IFFO2: variants seen among roughly 807,000 people sequenced by gnomAD.
IFFO2 encodes intermediate filament family orphan 2.
IFFO2 carries 19 observed loss-of-function variants against 53.5 expected under a neutral mutation model. The observed-to-expected ratio is 0.36, with a 90% CI of 0.25 to 0.52. IFFO2 has a LOEUF of 0.52. Ranked by LOEUF, IFFO2 falls within the 20% of genes least tolerant of loss-of-function variation. The pLI is 0.94. For synonymous variants in IFFO2, 303 were observed against 313.6 expected, an observed-to-expected ratio of 0.97 and a Z score of 0.36; for missense variants, 570 against 727.4, an observed-to-expected ratio of 0.78 and a Z score of 2.49.
rs962659856 is a variant in IFFO2, at chr1:18,916,401, C to T, written c.1103+502G>A. Reference sequence around the variant, plus strand: ...AGCCCTGTCAACTGTGCCCCAGGCTCAGCAATGCCTGACCTCCTCGAGCTT... The same window carrying T: ...AGCCCTGTCAACTGTGCCCCAGGCTTAGCAATGCCTGACCTCCTCGAGCTT... On this transcript the variant is annotated intron_variant, in intron 5 of 8. Coordinates refer to ENST00000455833, the MANE Select transcript of IFFO2 (RefSeq NM_001136265.2). This position sits in a 1 kb window ranked among gnomAD's most constrained non-coding sequence, Gnocchi z 4.3. Among the ~76,000 whole-genome samples the T allele has an allele frequency of 2.6e-5, 4 of 152,194 alleles. No homozygotes were observed.
intron 1 of IFFO2, among the ~76,000 whole-genome samples, chr1:18,934,572 G>T (rs1313663577): frequency 1.3e-5 from 2 of 152,030 alleles, no homozygotes; most frequent in Admixed American, 1.3e-4. Context: ...TGTTTACAAT[G>T]ATTACACAAG....
intron 1 of IFFO2, among the ~76,000 whole-genome samples, chr1:18,925,885 ATGGATGGATTGGATGGATTGGT>A: frequency 3.0e-5 from 1 of 33,252 alleles, no homozygotes; most frequent in Non-Finnish European, 5.8e-5. Context: ...GGATGGATGG[ATGGATGGATTGGATGGATTGGT>A]TGGATGGATG....
intron 1 of IFFO2, among the ~76,000 whole-genome samples, chr1:18,934,292 G>A (rs1172122555): frequency 6.6e-6 from 1 of 151,704 alleles, no homozygotes; most frequent in Non-Finnish European, 1.5e-5. Context: ...AGCAGGTCTC[G>A]AACTCCCGGG....
At chr1:18,937,233 G>A (rs1321063108) in intron 1 of IFFO2, among the ~76,000 whole-genome samples, 2 of 152,220 alleles carry the variant, frequency 1.3e-5, no homozygotes, top group Non-Finnish European at 2.9e-5. Context: ...GTGCAACCAA[G>A]GATGGGTAAC....
At chr1:18,913,992 C>G (rs1170026988) in intron 5 of IFFO2, among the ~76,000 whole-genome samples, 2 of 152,092 alleles carry the variant, frequency 1.3e-5, no homozygotes, top group Non-Finnish European at 2.9e-5. Context: ...CCACCACGCC[C>G]GGCTAATTTT....
At chr1:18,955,039 G>C (rs986615765) in intron 1 of IFFO2, among the ~76,000 whole-genome samples, 13 of 152,230 alleles carry the variant, frequency 8.5e-5, no homozygotes, top group African/African-American at 2.7e-4. Flanking sequence ...CAGAGCTGGA[G>C]CAAGACGGCA....
rs531663346 is a variant in IFFO2 at position 18,939,655 on chromosome 1, A to C, written c.665+16013T>G. Among the ~76,000 whole-genome samples, 32 of 152,318 alleles carry C rather than the reference A, an allele frequency of 2.1e-4. No homozygotes were observed. In the South Asian group the frequency reaches 6.4e-3, roughly 31 times the overall value. On this transcript the variant is annotated intron_variant, in intron 1 of 8. Coordinates refer to ENST00000455833, the MANE Select transcript of IFFO2 (RefSeq NM_001136265.2). ...CTGAGTCAAGGCACAGTCTCTCAGG[A>C]AGTGGAGAAAAGGGAGATTGTAGGT...
intron 1 of IFFO2, among the ~76,000 whole-genome samples, chr1:18,935,924 C>G (rs1200978469): frequency 8.1e-6 from 1 of 123,056 alleles, no homozygotes; most frequent in East Asian, 2.4e-4. Flanking sequence ...CCAGATTGGT[C>G]TCAAACTCCT....
intron 1 of IFFO2, among the ~76,000 whole-genome samples, chr1:18,939,862 T>A (rs1055517802): frequency 1.3e-5 from 2 of 152,176 alleles, no homozygotes; most frequent in Non-Finnish European, 2.9e-5. Context: ...GGACGGCCCG[T>A]CTCAGAAAGG....
At chr1:18,920,808 C>T (rs1315010528) in intron 2 of IFFO2, among the ~76,000 whole-genome samples, 1 of 152,190 alleles carries the variant, frequency 6.6e-6, no homozygotes, top group Non-Finnish European at 1.5e-5. Flanking sequence ...ACTTGCACCC[C>T]GGGACCTGGA....
chr1:18,949,131 C>T (rs1323560184), intron 1 of IFFO2, among the ~76,000 whole-genome samples: 3 of 152,246 alleles, frequency 2.0e-5, no homozygotes, highest in Non-Finnish European at 4.4e-5. Flanking sequence ...AGCCGAATCC[C>T]TGGACGTGGT....
chr1:18,938,868 T>C (rs1936483568), intron 1 of IFFO2, among the ~76,000 whole-genome samples: 1 of 152,302 alleles, frequency 6.6e-6, no homozygotes, highest in African/African-American at 2.4e-5. Flanking sequence ...TGATTTTGCC[T>C]TGGGACAGAT....
At chr1:18,953,172 C>T (rs1035503150) in intron 1 of IFFO2, among the ~76,000 whole-genome samples, 6 of 152,222 alleles carry the variant, frequency 3.9e-5, no homozygotes, top group Non-Finnish European at 8.8e-5. Flanking sequence ...CAGGCAGACA[C>T]CTGGGTCTCA....
chr1:18,924,475 G>A (rs888563197), intron 1 of IFFO2, among the ~76,000 whole-genome samples: 1 of 152,244 alleles, frequency 6.6e-6, no homozygotes, highest in Non-Finnish European at 1.5e-5. Flanking sequence ...CAGGCCAGGC[G>A]CTGTCTGCCA....
intron 1 of IFFO2, among the ~76,000 whole-genome samples, chr1:18,922,281 T>C (rs1489877057): frequency 6.6e-6 from 1 of 152,166 alleles, no homozygotes; most frequent in Non-Finnish European, 1.5e-5. Context: ...GGGCAGGTTC[T>C]TTCCCTCCTC....
intron 1 of IFFO2, among the ~76,000 whole-genome samples, chr1:18,922,035 A>G (rs777422648): frequency 6.6e-6 from 1 of 152,136 alleles, no homozygotes; most frequent in Non-Finnish European, 1.5e-5. Flanking sequence ...GTAACAACCT[A>G]TGACGTAGGC....
chr1:18,929,656 G>GAGCCAACAGT (rs1936346848), intron 1 of IFFO2, among the ~76,000 whole-genome samples: 1 of 19,466 alleles, frequency 5.1e-5, no homozygotes, highest in Admixed American at 5.9e-4. Context: ...TCTCTGTGGT[G>GAGCCAACAGT]ACTTGAGAGG....
chr1:18,942,723 T>C (rs1936536208), intron 1 of IFFO2, among the ~76,000 whole-genome samples: 1 of 152,316 alleles, frequency 6.6e-6, no homozygotes, highest in South Asian at 2.1e-4. Context: ...AACCTACAAG[T>C]TGGAGGTCCC....
chr1:18,952,101 T>C (rs1230900989), intron 1 of IFFO2, among the ~76,000 whole-genome samples: 1 of 152,238 alleles, frequency 6.6e-6, no homozygotes, highest in African/African-American at 2.4e-5. Flanking sequence ...CTCTCCACTG[T>C]TGAGTTCAGA....
Sources: gnomAD v4.1 joint callset for allele counts (sites outside exome capture counted in the v4.1 genomes callset) on GRCh38, gnomAD v4.1.1 for gene constraint, Gnocchi (gnomAD v3.1) non-coding constraint, MANE v1.5 for transcripts, NCBI Gene and HGNC (gene_info 2026-07-23, HGNC 2026-07-21) for gene names.